SH2D6: variants seen among roughly 807,000 people sequenced by gnomAD.
SH2D6 encodes the protein SH2 domain containing 6.
A neutral mutation model predicts 30.2 loss-of-function variants in SH2D6; 31 were observed. The ratio of observed to expected loss-of-function variants is 1.03; its 90% CI spans 0.77 to 1.38. The LOEUF (loss-of-function observed/expected upper bound fraction) is 1.38. Among genes scored for constraint, SH2D6 ranks in the 40% most tolerant of loss-of-function variants. The pLI, the probability that SH2D6 is intolerant of heterozygous loss-of-function variation, is 0.00. For missense variants in SH2D6, 240 were observed against 266.8 expected, an observed-to-expected ratio of 0.90 and a Z score of 0.70; for synonymous variants, 93 against 104.6, an observed-to-expected ratio of 0.89 and a Z score of 0.68.
rs1687655918 is a variant in SH2D6 at position 85,419,144 on chromosome 2, C to T, written c.-677C>T. 1 of 152,446 alleles carries T rather than the reference C, an allele frequency of 6.6e-6. No individual in the cohort carries two copies. The allele number at this position is 152,446 out of a possible 1,614,324, so 9.4% of individuals were successfully genotyped here. A position where few individuals can be genotyped will look rare whatever the true frequency, so the allele number is the denominator to read the frequency against. On this transcript the variant is annotated 5_prime_UTR_variant, in exon 2 of 24. Coordinates refer to ENST00000469800, the MANE Select transcript of SH2D6 (RefSeq NM_001394463.1). ...GGTGAAGCCCGGGGAAGGCCTGGGT[C>T]CTCCAGGTCAGGGATGTAGGTCCCA...
At chr2:85,432,248 AT>A (rs36079023) in intron 14 of SH2D6, among the ~76,000 whole-genome samples, 3,349 of 130,792 alleles carry the variant, frequency 0.026, 64 homozygotes, top group Non-Finnish European at 0.039. Context: ...GGCTGCTCTG[AT>A]TTTTTTTTTT....
chr2:85,434,906 G>C, intron 19 of SH2D6, 159 bp from the exon 20 acceptor site: 1 of 1,591,158 alleles, frequency 6.3e-7, no homozygotes, highest in Non-Finnish European at 8.5e-7. Context: ...CAGGGCACTG[G>C]ATCTGGAGAG....
intron 22 of SH2D6, among the ~76,000 whole-genome samples, chr2:85,436,209 G>A (rs942462696): frequency 3.9e-5 from 6 of 152,132 alleles, no homozygotes; most frequent in African/African-American, 9.7e-5. Context: ...GGGCAGAGGC[G>A]CACCCTAGAG....
chr2:85,432,254 T>C (rs1005104847), intron 14 of SH2D6, among the ~76,000 whole-genome samples: 1 of 151,804 alleles, frequency 6.6e-6, no homozygotes, highest in Non-Finnish European at 1.5e-5. Context: ...TCTGATTTTT[T>C]TTTTTTTTAT....
intron 16 of SH2D6, 89 bp downstream of exon 16, chr2:85,433,720 C>T (rs751429285): frequency 2.6e-5 from 26 of 1,005,088 alleles, no homozygotes; most frequent in Non-Finnish European, 3.3e-5. Flanking sequence ...CATCTGCTTC[C>T]CTTGCTGCCT....
chr2:85,420,892 G>T (rs1687726379), intron 2 of SH2D6: 1 of 152,366 alleles, frequency 6.6e-6, no homozygotes, highest in African/African-American at 2.4e-5. Flanking sequence ...GACGGGGTGA[G>T]GGGACTGTGG....
Position 85,435,818 on chromosome 2 carries a change from T to G in SH2D6, c.885T>G (p.Arg295=), listed in dbSNP as rs1354863579. 1.3e-6 allele frequency: 2 copies of G among 1,589,664 alleles called. No homozygotes were observed. The highest frequency in any genetic ancestry group is 1.3e-5 in the African/African-American group (1 of 74,644). ...CCCTGGGCCGGGAGGGCAGGAACCG[T>G]GAGGAGGTGGGAGCTGGAGGAGGCA... ...HYALGREGRN[R]EELFSSVAAM... The change falls in exon 22 of 24, where the codon CGT becomes CGG. Residue 295 remains arginine (R), a synonymous_variant. Coordinates refer to ENST00000469800, the MANE Select transcript of SH2D6 (RefSeq NM_001394463.1).
In SH2D6 at chr2:85,435,257, G is replaced by A. The variant is rs73943207; in HGVS notation, c.648+134G>A. Reference sequence around the variant, plus strand: ...ATTGAACACACGTGTGCGGCACCCCGCCGTGCCCCAGACAGGGACACCACT... The same window carrying A: ...ATTGAACACACGTGTGCGGCACCCCACCGTGCCCCAGACAGGGACACCACT... On this transcript the variant is annotated intron_variant, in intron 20 of 23. Transcript: ENST00000469800. The A allele has an allele frequency of 8.0e-3, 9,967 of 1,246,604 alleles. 542 individuals carry two copies. The African/African-American group carries it at 0.13, about 16-fold the overall frequency. 77.2% of individuals were successfully genotyped at this position (1,246,604 alleles called of 1,614,324 possible).
chr2:85,435,935 G>T (rs1689405829), intron 22 of SH2D6, 111 bp downstream of exon 22: 1 of 1,369,494 alleles, frequency 7.3e-7, no homozygotes, highest in Non-Finnish European at 9.6e-7. Flanking sequence ...TTTCTGGGGT[G>T]GGCAGAAATG....
chr2:85,419,074 C>T lies in SH2D6; in HGVS notation c.-747C>T, dbSNP rs1312682076. 1 of 152,460 alleles carries T rather than the reference C, an allele frequency of 6.6e-6. No homozygotes were observed. Among genetic ancestry groups the T allele is most frequent in the African/African-American group, 2.4e-5 (1 of 41,476 alleles). The allele number at this position is 152,460 out of a possible 1,614,324, so 9.4% of individuals were successfully genotyped here. Reference sequence around the variant, plus strand: ...AGGAGGAGCAGCCCAGACCCTGAGACTGGACTAGGTCTGTTAGGGTCCCTG... The same window carrying T: ...AGGAGGAGCAGCCCAGACCCTGAGATTGGACTAGGTCTGTTAGGGTCCCTG... On this transcript the variant is annotated 5_prime_UTR_variant, in exon 2 of 24. Coordinates refer to ENST00000469800, the MANE Select transcript of SH2D6 (RefSeq NM_001394463.1).
chr2:85,435,496 G>C lies in SH2D6; in HGVS notation c.732G>C (p.Lys244Asn), dbSNP rs1304437508. The C allele has an allele frequency of 6.2e-7, 1 of 1,613,374 alleles. No individual in the cohort carries two copies. Among genetic ancestry groups the C allele is most frequent in the Non-Finnish European group, 8.5e-7 (1 of 1,179,816 alleles). The change falls in exon 21 of 24, where the codon AAG becomes AAC. Residue 244 changes from lysine to asparagine, a missense_variant and splice_region_variant. Coordinates refer to ENST00000469800, the MANE Select transcript of SH2D6 (RefSeq NM_001394463.1). ...AVESALLHLQ[K>N]DGAYTVRPSS... Reference sequence around the variant, plus strand: ...AGAGTGCCCTGCTCCACTTACAAAAGGTGGGCAGCCACGGACCCCGGGTCT... The same window carrying C: ...AGAGTGCCCTGCTCCACTTACAAAACGTGGGCAGCCACGGACCCCGGGTCT...
At chr2:85,436,775 A>G in intron 23 of SH2D6, 62 bp from the exon 24 acceptor site, 1 of 565,884 alleles carries the variant, frequency 1.8e-6, no homozygotes. Context: ...ATGCTCACCT[A>G]GAGCCTTCCA....
At chr2:85,433,972 G>C in intron 16 of SH2D6, 61 bp from the exon 17 acceptor site, 1 of 1,410,590 alleles carries the variant, frequency 7.1e-7, no homozygotes, top group Non-Finnish European at 9.8e-7. Context: ...GCCCTGCCCT[G>C]GTCAGCATGG....
In SH2D6 at chr2:85,435,143, A is replaced by G. The variant is rs759272373; in HGVS notation, c.648+20A>G. On this transcript the variant is annotated intron_variant, in intron 20 of 23. Coordinates refer to ENST00000469800, the MANE Select transcript of SH2D6 (RefSeq NM_001394463.1). ...GCTGAGGTGAGGAGGGGCTGGGAGC[A>G]GGCTGTAGGGAGAGGTTCCGGGAGC... 1.9e-6 allele frequency: 3 copies of G among 1,605,496 alleles called. No individual in the cohort carries two copies. The highest frequency in any genetic ancestry group is 2.6e-6 in the Non-Finnish European group (3 of 1,175,892).
rs372659814 is a variant in SH2D6 at position 85,428,619 on chromosome 2, G to A, written c.-173G>A. 1 of 152,140 alleles carries A rather than the reference G, an allele frequency of 6.6e-6. No homozygotes were observed. The allele number at this position is 152,140 out of a possible 1,614,324, so 9.4% of individuals were successfully genotyped here. On this transcript the variant is annotated 5_prime_UTR_variant, in exon 7 of 24. Transcript: ENST00000469800. ...ATGTGAGGACACAGAGAAAGCAGCC[G>A]TTTACAAGCCAAGAAGAGAGGCCGC...
At chr2:85,433,055 C>A in intron 14 of SH2D6, 44 bp from the exon 15 acceptor site, 1 of 985,942 alleles carries the variant, frequency 1.0e-6, no homozygotes, top group Non-Finnish European at 1.2e-6. Context: ...TTCCTTTCTG[C>A]TCCCTGCCGT....
At position 85,436,891 on chromosome 2, in the gene SH2D6, C is replaced by A. The variant is rs891008727; in HGVS notation, c.*67C>A. 5.8e-6 allele frequency: 2 copies of A among 344,534 alleles called. No individual in the cohort carries two copies. The highest frequency in any genetic ancestry group is 1.1e-5 in the Non-Finnish European group (2 of 181,842). 21.3% of individuals were successfully genotyped at this position (344,534 alleles called of 1,614,324 possible). A position where few individuals can be genotyped will look rare whatever the true frequency, so the allele number is the denominator to read the frequency against. Reference sequence around the variant, plus strand: ...TCCTGGATGAAGGAACCGTGGTGGCCTAGACCAGTCAGGGGACAGCACAGG... The same window carrying A: ...TCCTGGATGAAGGAACCGTGGTGGCATAGACCAGTCAGGGGACAGCACAGG... On this transcript the variant is annotated 3_prime_UTR_variant, in exon 24 of 24. Transcript: ENST00000469800.
chr2:85,434,543 G>T, intron 19 of SH2D6, 46 bp downstream of exon 19: 1 of 1,542,562 alleles, frequency 6.5e-7, no homozygotes, highest in Non-Finnish European at 8.8e-7. Context: ...CCAACTGATT[G>T]TTCACAGTCA....
chr2:85,434,893 T>C, intron 19 of SH2D6, 172 bp from the exon 20 acceptor site: 1 of 1,577,774 alleles, frequency 6.3e-7, no homozygotes, highest in Non-Finnish European at 8.6e-7. Flanking sequence ...TGGTGGGTCC[T>C]GCCAGGGCAC....
Sources: gnomAD v4.1 joint callset for allele counts (sites outside exome capture counted in the v4.1 genomes callset) on GRCh38, gnomAD v4.1.1 for gene constraint, MANE v1.5 for transcripts, NCBI Gene and HGNC (gene_info 2026-07-23, HGNC 2026-07-21) for gene names.